Variants in ALS2 observed in about 807,000 individuals in gnomAD.
ALS2 encodes the protein alsin.
Under a neutral mutation model 203.4 loss-of-function variants are expected in ALS2, and 117 were observed. The ratio of observed to expected loss-of-function variants is 0.58; its 90% confidence interval spans 0.50 to 0.67. The LOEUF is 0.67. Among genes scored for constraint, ALS2 ranks in the 30% least tolerant of loss-of-function variants. ALS2 has a pLI of 0.00. For synonymous variants in ALS2, 718 were observed against 725.9 expected (o/e 0.99, Z 0.17); for missense variants, 1,715 against 1,989.4 (o/e 0.86, Z 2.62).
Position 201,757,610 on chromosome 2 carries a change from A to C in ALS2, c.1263T>G (p.Val421=). The change falls in exon 5 of 34, where the codon GTT becomes GTG. Residue 421 remains valine (V), a synonymous_variant. Transcript: ENST00000264276. Reference sequence around the variant, plus strand: ...AAGGGGTTGTACTATAAAAGTTCATAACTTTCTTCAGTGACAAGGCACCAG... The same window carrying C: ...AAGGGGTTGTACTATAAAAGTTCATCACTTTCTTCAGTGACAAGGCACCAG... The part of the protein sequence containing the change: ...YEAGALSLKK[V]MNFYSTTPCE... 6.2e-7 allele frequency: 1 copy of C among 1,614,168 alleles called. No homozygotes were observed. The highest frequency in any genetic ancestry group is 1.7e-5 in the Admixed American group (1 of 60,022).
At position 201,780,921 on chromosome 2, in the gene ALS2, T is replaced by A. The variant is rs1464385570; in HGVS notation, c.-105A>T. On this transcript the variant is annotated 5_prime_UTR_variant, in exon 1 of 34. The change creates a new upstream start codon in the 5' untranslated region. Coordinates refer to ENST00000264276, the MANE Select transcript of ALS2 (RefSeq NM_020919.4). The stretch of plus-strand genomic sequence containing the variant: ...ACCGCGCTCCGCATCCGGCGCGAGC[T>A]TGGCAACCCAGTGGGTCCGCGGGAT... 6.5e-6 allele frequency: 1 copy of A among 152,674 alleles called. No individual in the cohort carries two copies. Among genetic ancestry groups the A allele is most frequent in the African/African-American group, 2.4e-5 (1 of 41,470 alleles). The allele number at this position is 152,674 out of a possible 1,614,324, so 9.5% of individuals were successfully genotyped here.
chr2:201,705,355 A>G (rs1689640183), intron 30 of ALS2, 61 bp downstream of exon 30: 1 of 1,565,270 alleles, frequency 6.4e-7, no homozygotes, highest in Non-Finnish European at 8.8e-7. Context: ...AAGTTTTGCT[A>G]TCTCAAATCC....
At position 201,710,015 on chromosome 2, in the gene ALS2, G is replaced by C. The variant is rs780302685; in HGVS notation, c.4146C>G (p.Pro1382=). The C allele has an allele frequency of 1.2e-6, 2 of 1,613,850 alleles. No individual in the cohort carries two copies. The highest frequency in any genetic ancestry group is 2.2e-5 in the East Asian group (1 of 44,882). Residue 1382 remains proline (P), a synonymous_variant, in exon 27 of 34, where the codon CCC becomes CCG. Transcript: ENST00000264276. ...CCAGTGTCTCCACAAGCCTGCCCAG[G>C]GGGTGCAGAGGAGTGTCACAGGCCT... The part of the protein sequence containing the change: ...LIKACDTPLH[P]LGRLVETLVA...
chr2:201,757,855 A>C (rs1306288445), intron 4 of ALS2, 96 bp from the exon 5 acceptor site: 18 of 963,022 alleles, frequency 1.9e-5, no homozygotes, highest in Non-Finnish European at 2.6e-5. Context: ...CGCTATTTGC[A>C]TGTAAGAATC....
chr2:201,726,428 A>C (rs890170663), intron 19 of ALS2, 56 bp downstream of exon 19: 28 of 1,452,018 alleles, frequency 1.9e-5, no homozygotes, highest in Non-Finnish European at 2.7e-5. Context: ...AAAATAACAT[A>C]ATTTACGACC....
intron 15 of ALS2, 147 bp from the exon 16 acceptor site, chr2:201,727,922 C>T (rs959178628): frequency 1.6e-5 from 13 of 814,778 alleles, no homozygotes; most frequent in Non-Finnish European, 2.5e-5. Context: ...ATGTAGGTGC[C>T]ACCAATTCTG....
chr2:201,706,921 T>C lies in ALS2; in HGVS notation c.4505A>G (p.Asp1502Gly), dbSNP rs756168246. The change falls in exon 29 of 34, where the codon GAC becomes GGC. Residue 1502 changes from aspartate to glycine, a missense_variant. Asp to Gly is a moderately conservative substitution (Grantham distance 94). Around this residue, in one of 3 missense-constraint regions of ALS2, gnomAD observed 1,227 missense variants for 1,413.5 expected, o/e 0.87. Transcript: ENST00000264276. The part of the protein sequence containing the change: ...LYALDNDREE[D>G]IYWECVLRLN... ...TCGAAGGACACATTCCCAGTAAATG[T>C]CTTCCTCGCGATCATTATCCAAAGC... is the stretch of plus-strand genomic sequence containing the variant. The C allele has an allele frequency of 6.2e-7, 1 of 1,614,120 alleles. No individual in the cohort carries two copies. The highest frequency in any genetic ancestry group is 1.1e-5 in the South Asian group (1 of 91,082).
At chr2:201,769,050 T>A in intron 1 of ALS2, 105 bp from the exon 2 acceptor site, 1 of 580,048 alleles carries the variant, frequency 1.7e-6, no homozygotes, top group East Asian at 2.9e-5. Context: ...CACTAGGAAA[T>A]AAATATGCAG....
At chr2:201,729,019 C>T in intron 14 of ALS2, 33 bp downstream of exon 14, 1 of 1,613,878 alleles carries the variant, frequency 6.2e-7, no homozygotes, top group East Asian at 2.2e-5. Flanking sequence ...TTGCTGTTTG[C>T]TAGGGTAACA....
chr2:201,742,357 G>A (rs954832852), intron 10 of ALS2, among the ~76,000 whole-genome samples: 2 of 152,192 alleles, frequency 1.3e-5, no homozygotes, highest in Non-Finnish European at 2.9e-5. Context: ...GTGCAGAGAA[G>A]GCAATCCAAA....
chr2:201,763,803 G>A (rs1693904959), intron 3 of ALS2, among the ~76,000 whole-genome samples: 1 of 152,180 alleles, frequency 6.6e-6, no homozygotes, highest in Non-Finnish European at 1.5e-5. Flanking sequence ...GAGCTTGGGA[G>A]CAGGTACACA....
Position 201,744,268 on chromosome 2 carries a change from A to C in ALS2, c.2160T>G (p.Leu720=). The C allele has an allele frequency of 1.9e-6, 3 of 1,614,096 alleles. No homozygotes were observed. The highest frequency in any genetic ancestry group is 2.5e-6 in the Non-Finnish European group (3 of 1,179,962). ...GGGGTTGCAACTTACCTAAACTGAG[A>C]AGAGGCCTGAGAATCTGAGATTTGA... ...SDIKSQILRP[L]LSLENLGTTT... The change falls in exon 10 of 34, where the codon CTT becomes CTG. Residue 720 remains leucine (L), a synonymous_variant. Transcript: ENST00000264276.
intron 5 of ALS2, among the ~76,000 whole-genome samples, chr2:201,757,017 G>A (rs542209785): frequency 3.3e-4 from 50 of 152,274 alleles, no homozygotes; most frequent in African/African-American, 1.1e-3. Flanking sequence ...TTCTCTTCTT[G>A]AAGCTTAAGA....
chr2:201,701,978 C>A, intron 33 of ALS2, 89 bp from the exon 34 acceptor site: 1 of 1,171,942 alleles, frequency 8.5e-7, no homozygotes, highest in Non-Finnish European at 1.3e-6. Flanking sequence ...GAAACAAAAT[C>A]CCTTATGAAC....
chr2:201,734,198 G>C (rs1166651260), intron 12 of ALS2, among the ~76,000 whole-genome samples: 1 of 152,142 alleles, frequency 6.6e-6, no homozygotes, highest in Non-Finnish European at 1.5e-5. Flanking sequence ...TGGTGAGCTG[G>C]GTGCAGTGGT....
chr2:201,712,116 T>C (rs1690069427), intron 25 of ALS2, among the ~76,000 whole-genome samples: 2 of 152,230 alleles, frequency 1.3e-5, no homozygotes, highest in Admixed American at 1.3e-4. Flanking sequence ...ATTTAATTTC[T>C]TGAAACACAT....
chr2:201,769,221 G>A (rs192329377), intron 1 of ALS2, among the ~76,000 whole-genome samples: 15 of 152,184 alleles, frequency 9.9e-5, no homozygotes, highest in Admixed American at 9.8e-4. Flanking sequence ...AATAGATTTT[G>A]TTTTTTATTA....
At chr2:201,715,122 T>A (rs936718361) in intron 25 of ALS2, among the ~76,000 whole-genome samples, 5 of 152,172 alleles carry the variant, frequency 3.3e-5, no homozygotes, top group African/African-American at 1.2e-4. Flanking sequence ...CTTTTGCAAG[T>A]TTCCTGTTCA....
rs562255618 is a variant in ALS2 at position 201,752,426 on chromosome 2, T to C, written c.1737+720A>G. On this transcript the variant is annotated intron_variant, in intron 7 of 33. Transcript: ENST00000264276. ...GACCTCCTTCCTAATCTCTCATTTT[T>C]AAGTCTTTTGAATGAATCATGTTAA... is the stretch of plus-strand genomic sequence containing the variant. 3.3e-5 allele frequency among the ~76,000 whole-genome samples: 5 copies of C among 152,282 alleles called. No homozygotes were observed. The East Asian group carries it at 7.7e-4, about 23-fold the overall frequency.
Sources: gnomAD v4.1 joint callset for allele counts (sites outside exome capture counted in the v4.1 genomes callset) on GRCh38, gnomAD v4.1.1 for gene constraint, gnomAD v4.1.1 regional missense constraint, MANE v1.5 for transcripts, NCBI Gene and HGNC (gene_info 2026-07-23, HGNC 2026-07-21) for gene names.